Variants in ADAM32 observed in about 807,000 individuals in gnomAD.
The protein encoded by ADAM32 is ADAM metallopeptidase domain 32.
Under a neutral mutation model 114.9 loss-of-function variants are expected in ADAM32, and 89 were observed. That is an observed-to-expected ratio of 0.77 (90% CI 0.65 to 0.92). The LOEUF is 0.92. ADAM32 is among the 40% of genes least tolerant of loss of function. The probability of loss-of-function intolerance (pLI) is 0.00; values close to 1 mark genes in which losing one functional copy is unlikely to be tolerated. For missense variants in ADAM32, 870 were observed against 932.8 expected (o/e 0.93, Z 0.88); for synonymous variants, 285 against 307.5 (o/e 0.93, Z 0.77).
chr8:39,274,944 G>A (rs2129451493), intron 21 of ADAM32, among the ~76,000 whole-genome samples: 1 of 152,338 alleles, frequency 6.6e-6, no homozygotes, highest in African/African-American at 2.4e-5. Context: ...GAAGCATGGA[G>A]TGGTGTCCTT....
intron 6 of ADAM32, among the ~76,000 whole-genome samples, chr8:39,156,430 C>T (rs1564500412): frequency 6.6e-6 from 1 of 152,224 alleles, no homozygotes; most frequent in African/African-American, 2.4e-5. Context: ...TAAGTGTAAG[C>T]CACTGCACCC....
chr8:39,151,288 G>A (rs961495964), intron 5 of ADAM32, 89 bp from the exon 6 acceptor site: 135 of 1,187,432 alleles, frequency 1.1e-4, no homozygotes, highest in Non-Finnish European at 1.4e-4. Flanking sequence ...GACTCAAAAC[G>A]TTTTATTTTT....
At chr8:39,262,938 C>T (rs142896316) in intron 19 of ADAM32, among the ~76,000 whole-genome samples, 22 of 152,146 alleles carry the variant, frequency 1.4e-4, no homozygotes, top group African/African-American at 5.3e-4. Flanking sequence ...AAACTCCTGG[C>T]CTCAAGTGAT....
chr8:39,120,240 T>C (rs2129444397), intron 2 of ADAM32, among the ~76,000 whole-genome samples: 1 of 152,212 alleles, frequency 6.6e-6, no homozygotes, highest in Non-Finnish European at 1.5e-5. Context: ...CCTAAAAATG[T>C]TGAAGTGGAT....
chr8:39,261,712 A>T (rs182448081), intron 19 of ADAM32, among the ~76,000 whole-genome samples: 1 of 150,148 alleles, frequency 6.7e-6, no homozygotes, highest in East Asian at 1.9e-4. Context: ...AGCATTTGTT[A>T]TTTTTTTTTG....
intron 3 of ADAM32, among the ~76,000 whole-genome samples, chr8:39,137,083 A>G (rs188034089): frequency 5.8e-4 from 88 of 152,350 alleles, no homozygotes; most frequent in Non-Finnish European, 1.6e-4. Context: ...GTAATATGGG[A>G]CAGGGATTTA....
intron 22 of ADAM32, 107 bp downstream of exon 22, chr8:39,275,973 A>G (rs1359649099): frequency 1.9e-6 from 2 of 1,079,106 alleles, no homozygotes; most frequent in East Asian, 5.3e-5. Context: ...CTGAGTAGCC[A>G]CAATTAGTAA....
chr8:39,267,037 G>A (rs553613562), intron 19 of ADAM32, among the ~76,000 whole-genome samples: 43 of 152,340 alleles, frequency 2.8e-4, no homozygotes, highest in South Asian at 8.3e-4. Flanking sequence ...AGAGGCCAAG[G>A]TATTCCCAGT....
At chr8:39,190,862 C>A (rs528315830) in intron 11 of ADAM32, among the ~76,000 whole-genome samples, 2 of 152,254 alleles carry the variant, frequency 1.3e-5, no homozygotes, top group East Asian at 3.9e-4. Flanking sequence ...TATTTTGCCA[C>A]CCATGTACTA....
intron 13 of ADAM32, among the ~76,000 whole-genome samples, chr8:39,222,592 A>G (rs1809049312): frequency 1.3e-5 from 2 of 152,094 alleles, no homozygotes; most frequent in South Asian, 4.1e-4. Flanking sequence ...TGCATTTTTA[A>G]TAACACTTCT....
intron 6 of ADAM32, chr8:39,157,837 T>G: frequency 1.4e-6 from 1 of 712,824 alleles, no homozygotes; most frequent in Non-Finnish European, 2.3e-6. Flanking sequence ...GAGGCACTGA[T>G]CAATTTGCCA....
chr8:39,169,929 C>G lies in ADAM32; in HGVS notation c.847C>G (p.Pro283Ala). 6.3e-7 allele frequency: 1 copy of G among 1,592,336 alleles called. No individual in the cohort carries two copies. Among genetic ancestry groups the G allele is most frequent in the Non-Finnish European group, 8.6e-7 (1 of 1,164,806 alleles). The change falls in exon 10 of 25, where the codon CCT becomes GCT. Residue 283 changes from proline (P) to alanine (A), a missense_variant. By Grantham distance (27) the Pro-to-Ala change is conservative (BLOSUM62 -1). Coordinates refer to ENST00000379907, the MANE Select transcript of ADAM32 (RefSeq NM_145004.7). ...IAYLLIYMDY[P>A]RYLGAVFPGT... ...TTATTTATTTAGTTATATGGATTAT[C>G]CTCGTTATTTGGGAGCAGTGTTTCC... is the stretch of plus-strand genomic sequence containing the variant.
At chr8:39,215,642 C>A (rs895562852) in intron 12 of ADAM32, among the ~76,000 whole-genome samples, 8 of 151,982 alleles carry the variant, frequency 5.3e-5, no homozygotes, top group Admixed American at 1.3e-4. Context: ...TCCTCATTGA[C>A]CCACTGTGAA....
intron 10 of ADAM32, among the ~76,000 whole-genome samples, chr8:39,173,901 T>G (rs995725961): frequency 8.5e-5 from 13 of 152,184 alleles, no homozygotes; most frequent in Middle Eastern, 3.2e-3. Flanking sequence ...CTAGGCTCAC[T>G]GCAACCTCTG....
intron 11 of ADAM32, among the ~76,000 whole-genome samples, chr8:39,203,137 G>A (rs1317089682): frequency 1.3e-5 from 2 of 152,198 alleles, no homozygotes; most frequent in Non-Finnish European, 2.9e-5. Flanking sequence ...TTCTGTAGAT[G>A]TCTATTAGGT....
At chr8:39,169,639 G>T (rs897479369) in intron 9 of ADAM32, 11 of 242,628 alleles carry the variant, frequency 4.5e-5, no homozygotes, top group Non-Finnish European at 8.6e-5. Flanking sequence ...CAAAGCCTTT[G>T]GCAAACATAG....
chr8:39,197,190 C>T (rs770003567), intron 11 of ADAM32, among the ~76,000 whole-genome samples: 2 of 151,836 alleles, frequency 1.3e-5, no homozygotes, highest in Admixed American at 6.6e-5. Context: ...TGTAATGTCT[C>T]GTTATCATTA....
At chr8:39,211,866 G>A (rs1193480887) in intron 12 of ADAM32, among the ~76,000 whole-genome samples, 1 of 152,036 alleles carries the variant, frequency 6.6e-6, no homozygotes, top group Non-Finnish European at 1.5e-5. Context: ...AATTTCCTTG[G>A]TTACAAGGTA....
intron 16 of ADAM32, among the ~76,000 whole-genome samples, chr8:39,245,247 T>C (rs973113103): frequency 2.0e-5 from 3 of 152,164 alleles, no homozygotes; most frequent in Non-Finnish European, 4.4e-5. Context: ...AAGTGGGAGC[T>C]AATCTCTGAA....
Sources: gnomAD v4.1 joint callset for allele counts (sites outside exome capture counted in the v4.1 genomes callset) on GRCh38, gnomAD v4.1.1 for gene constraint, MANE v1.5 for transcripts, NCBI Gene and HGNC (gene_info 2026-07-23, HGNC 2026-07-21) for gene names.